The following ELMO1 variants were observed in gnomAD, a reference collection of about 807,000 sequenced individuals.
ELMO1 encodes engulfment and cell motility protein 1.
In ELMO1, 26 loss-of-function variants were observed where a neutral mutation model predicts 98.9. The observed-to-expected ratio is 0.26, with a 90% CI of 0.19 to 0.36. ELMO1 has a LOEUF of 0.36. Ranked by LOEUF, ELMO1 falls within the 10% of genes least tolerant of loss-of-function variation. The pLI is 1.00. For missense variants in ELMO1, 627 were observed against 935.2 expected (o/e 0.67, Z 4.30); for synonymous variants, 346 against 346.0 (o/e 1.00, Z 0.00).
intron 2 of ELMO1, among the ~76,000 whole-genome samples, chr7:37,337,506 C>T (rs185241120): frequency 2.0e-5 from 3 of 146,472 alleles, no homozygotes; most frequent in Admixed American, 2.0e-4. Flanking sequence ...TGCACATGTA[C>T]CCTAAAACTT....
intron 16 of ELMO1, among the ~76,000 whole-genome samples, chr7:36,909,531 C>A (rs902406851): frequency 6.6e-6 from 1 of 152,222 alleles, no homozygotes; most frequent in East Asian, 1.9e-4. Flanking sequence ...AGGGGACATG[C>A]GCCATTGAAC....
At chr7:37,286,133 A>G (rs182974008) in intron 4 of ELMO1, among the ~76,000 whole-genome samples, 191 of 152,328 alleles carry the variant, frequency 1.3e-3, no homozygotes, top group Middle Eastern at 3.4e-3. Context: ...TACTAACTCC[A>G]TGGCCCATTC....
chr7:37,191,550 C>T (rs1185718922), intron 13 of ELMO1, among the ~76,000 whole-genome samples: 4 of 152,038 alleles, frequency 2.6e-5, no homozygotes, highest in Non-Finnish European at 5.9e-5. Flanking sequence ...GTTCATGGAA[C>T]CCCTTCTTGT....
intron 15 of ELMO1, chr7:37,033,261 T>C: frequency 2.5e-6 from 1 of 402,014 alleles, no homozygotes; most frequent in Non-Finnish European, 5.0e-6. Flanking sequence ...TAAGTCCAAA[T>C]TGTTCCCCCT....
intron 10 of ELMO1, chr7:37,217,703 G>C (rs1433698518): frequency 4.4e-6 from 2 of 456,996 alleles, no homozygotes; most frequent in Admixed American, 2.3e-5. Flanking sequence ...GGGAACGTGG[G>C]TGACTTACAG....
At chr7:36,898,782 T>A (rs1157195868) in intron 16 of ELMO1, among the ~76,000 whole-genome samples, 13 of 152,326 alleles carry the variant, frequency 8.5e-5, no homozygotes, top group Middle Eastern at 6.8e-3. Context: ...TGTGAGCACC[T>A]ACTCAGTGCA....
chr7:37,086,419 G>A (rs971863394), intron 15 of ELMO1, among the ~76,000 whole-genome samples: 25 of 151,008 alleles, frequency 1.7e-4, no homozygotes, highest in African/African-American at 6.1e-4. Flanking sequence ...GTGGCAAAAT[G>A]TTGGCATAAC....
chr7:37,141,626 T>C (rs1312685795), intron 13 of ELMO1, among the ~76,000 whole-genome samples: 2 of 152,170 alleles, frequency 1.3e-5, no homozygotes, highest in Non-Finnish European at 2.9e-5. Context: ...AAAAGAAAAG[T>C]TAAAGAGGTA....
At chr7:37,091,636 T>C (rs887688963) in intron 15 of ELMO1, among the ~76,000 whole-genome samples, 1 of 152,094 alleles carries the variant, frequency 6.6e-6, no homozygotes, top group African/African-American at 2.4e-5. Flanking sequence ...GCAGGGAATA[T>C]AACTCTTCTT....
At chr7:37,207,140 A>T (rs183305974) in intron 13 of ELMO1, among the ~76,000 whole-genome samples, 89 of 152,338 alleles carry the variant, frequency 5.8e-4, no homozygotes, top group Non-Finnish European at 1.0e-3. Flanking sequence ...ATCAAGAGGG[A>T]CAACTTTGTA....
intron 5 of ELMO1, chr7:37,271,475 GGAA>G (rs1028530675): frequency 2.9e-5 from 6 of 207,248 alleles, no homozygotes; most frequent in Non-Finnish European, 4.7e-5. Flanking sequence ...CTGGGCCACA[GGAA>G]GAAGAAGAAT....
At chr7:37,227,377 TTTC>T (rs1391610730) in intron 8 of ELMO1, among the ~76,000 whole-genome samples, 2 of 152,090 alleles carry the variant, frequency 1.3e-5, no homozygotes, top group Non-Finnish European at 2.9e-5. Context: ...CTCTCAGTGT[TTTC>T]TTCTTTTTTA....
chr7:37,376,551 A>G (rs1554302206), intron 1 of ELMO1, among the ~76,000 whole-genome samples: 1 of 152,168 alleles, frequency 6.6e-6, no homozygotes, highest in Non-Finnish European at 1.5e-5. Flanking sequence ...GACCTGACTC[A>G]TCTCAAGGAA....
At chr7:36,868,327 C>T (rs1375332038) in intron 20 of ELMO1, among the ~76,000 whole-genome samples, 1 of 33,044 alleles carries the variant, frequency 3.0e-5, no homozygotes, top group Non-Finnish European at 5.9e-5. Context: ...CTTTGTTCTG[C>T]TTCTTCTTCT....
At chr7:36,908,203 C>G (rs908394696) in intron 16 of ELMO1, among the ~76,000 whole-genome samples, 1 of 152,290 alleles carries the variant, frequency 6.6e-6, no homozygotes, top group Admixed American at 6.5e-5. Context: ...TAGAACAGTG[C>G]CAAGCACTCA....
chr7:36,886,927 T>C (rs1805057300), intron 18 of ELMO1, among the ~76,000 whole-genome samples: 1 of 152,208 alleles, frequency 6.6e-6, no homozygotes, highest in Non-Finnish European at 1.5e-5. Context: ...AACTCTGTCC[T>C]AGAAGAGAAG....
At chr7:37,219,444 G>C (rs778025541) in intron 10 of ELMO1, among the ~76,000 whole-genome samples, 8 of 152,306 alleles carry the variant, frequency 5.3e-5, no homozygotes, top group Non-Finnish European at 4.4e-5. Context: ...AGTGGAATCA[G>C]GCTACTCCAA....
intron 1 of ELMO1, among the ~76,000 whole-genome samples, chr7:37,348,360 G>A (rs1178542794): frequency 6.6e-6 from 1 of 152,088 alleles, no homozygotes; most frequent in East Asian, 1.9e-4. Context: ...TAATCATCAT[G>A]CCTTCCAAAG....
intron 2 of ELMO1, among the ~76,000 whole-genome samples, chr7:37,330,938 GCTA>G (rs1310972989): frequency 1.3e-5 from 2 of 152,094 alleles, no homozygotes; most frequent in Non-Finnish European, 2.9e-5. Flanking sequence ...AACGGAAATG[GCTA>G]CTAAGTGACT....
Sources: gnomAD v4.1 joint callset for allele counts (sites outside exome capture counted in the v4.1 genomes callset) on GRCh38, gnomAD v4.1.1 for gene constraint, MANE v1.5 for transcripts, NCBI Gene and HGNC (gene_info 2026-07-23, HGNC 2026-07-21) for gene names.